GRM3: variants seen among roughly 807,000 people sequenced by gnomAD.
The protein encoded by GRM3 is metabotropic glutamate receptor 3.
In GRM3, 26 loss-of-function variants were observed where a neutral mutation model predicts 70.5. That is an observed-to-expected ratio of 0.37 (90% confidence interval 0.27 to 0.51). The LOEUF (loss-of-function observed/expected upper bound fraction) is 0.51. GRM3 is among the 20% of genes least tolerant of loss of function. GRM3 has a pLI of 0.93. For missense variants in GRM3, 859 were observed against 1,123.8 expected, an observed-to-expected ratio of 0.76 and a Z score of 3.37; for synonymous variants, 443 against 434.9, an observed-to-expected ratio of 1.02 and a Z score of -0.23.
At chr7:86,803,798 C>T (rs1797732913) in intron 3 of GRM3, among the ~76,000 whole-genome samples, 1 of 152,132 alleles carries the variant, frequency 6.6e-6, no homozygotes, top group East Asian at 1.9e-4. Context: ...TGTTTGATGG[C>T]CCACCACAAA....
At chr7:86,698,502 C>T (rs1234914348) in intron 1 of GRM3, among the ~76,000 whole-genome samples, 2 of 146,388 alleles carry the variant, frequency 1.4e-5, no homozygotes, top group Non-Finnish European at 3.0e-5. Flanking sequence ...TATAAAGAGT[C>T]CCATGTCTAA....
At chr7:86,773,742 T>C (rs1450129521) in intron 2 of GRM3, among the ~76,000 whole-genome samples, 1 of 152,146 alleles carries the variant, frequency 6.6e-6, no homozygotes, top group Non-Finnish European at 1.5e-5. Context: ...GCAACAGCAA[T>C]TAAAAATGCT....
At chr7:86,777,529 C>T (rs970433291) in intron 2 of GRM3, among the ~76,000 whole-genome samples, 5 of 152,064 alleles carry the variant, frequency 3.3e-5, no homozygotes, top group Non-Finnish European at 7.4e-5. Context: ...AGTTGTTGAC[C>T]TCTTCATATT....
At chr7:86,748,893 C>T (rs1218545012) in intron 1 of GRM3, among the ~76,000 whole-genome samples, 1 of 151,972 alleles carries the variant, frequency 6.6e-6, no homozygotes, top group Non-Finnish European at 1.5e-5. Flanking sequence ...GTTAATCCTC[C>T]GCAGTTAATA....
Position 86,864,444 on chromosome 7 carries a change from A to G in GRM3, c.*89A>G, listed in dbSNP as rs566426677. On this transcript the variant is annotated 3_prime_UTR_variant, in exon 6 of 6. Coordinates refer to ENST00000361669, the MANE Select transcript of GRM3 (RefSeq NM_000840.3). ...CCAGAATATGGAAACAGAGCAAAAG[A>G]ACAACCCTAGTACCTTTTTTTAGAA... The G allele has an allele frequency of 7.6e-5, 69 of 911,052 alleles. No individual in the cohort carries two copies. In the East Asian group the frequency reaches 1.5e-3, roughly 19 times the overall value. 56.4% of individuals were successfully genotyped at this position (911,052 alleles called of 1,614,324 possible).
At position 86,826,614 on chromosome 7, in the gene GRM3, C is replaced by G. The variant is rs376264183; in HGVS notation, c.1325-12225C>G. On this transcript the variant is annotated intron_variant, in intron 3 of 5. Transcript: ENST00000361669. ...GAAAACAAGACTAGGTAATAGTAAC[C>G]TTAATATGGTGACACCATAAGGAAT... is the stretch of plus-strand genomic sequence containing the variant. Among the ~76,000 whole-genome samples the G allele has an allele frequency of 9.2e-5, 14 of 152,158 alleles. No homozygotes were observed. In the East Asian group the frequency reaches 1.3e-3, roughly 15 times the overall value.
chr7:86,725,067 G>T (rs1486422470), intron 1 of GRM3, among the ~76,000 whole-genome samples: 2 of 152,048 alleles, frequency 1.3e-5, no homozygotes, highest in Non-Finnish European at 2.9e-5. Flanking sequence ...ATTACCAGGG[G>T]ATGTATGCAT....
At chr7:86,795,558 G>T (rs1228052488) in intron 3 of GRM3, among the ~76,000 whole-genome samples, 3 of 152,008 alleles carry the variant, frequency 2.0e-5, no homozygotes, top group African/African-American at 7.3e-5. Context: ...GTGTTAGTTT[G>T]CTGAGGACAA....
rs2116737880 is a variant in GRM3, at chr7:86,839,541, G to A, written c.2027G>A (p.Gly676Asp). The change falls in exon 4 of 6, where the codon GGC (glycine) becomes GAC (aspartate). Residue 676 changes from glycine (G) to aspartate (D), a missense_variant. Coordinates refer to ENST00000361669, the MANE Select transcript of GRM3 (RefSeq NM_000840.3). This position sits in a 1 kb window ranked among gnomAD's most constrained non-coding sequence, Gnocchi z 4.5. ...IARIFDGVKN[G>D]AQRPKFISPS... ...CGCATCTTCGATGGGGTCAAGAATG[G>A]CGCTCAGAGGCCAAAATTCATCAGC... The A allele has an allele frequency of 6.2e-7, 1 of 1,607,972 alleles. No individual in the cohort carries two copies. The highest frequency in any genetic ancestry group is 1.7e-4 in the Middle Eastern group (1 of 6,016).
intron 1 of GRM3, among the ~76,000 whole-genome samples, chr7:86,656,425 C>T (rs1199270932): frequency 4.0e-5 from 6 of 151,882 alleles, no homozygotes; most frequent in East Asian, 1.9e-4. Context: ...TGCACCGCCA[C>T]GGCTGGCTAG....
chr7:86,721,979 G>A (rs1010922522), intron 1 of GRM3, among the ~76,000 whole-genome samples: 3 of 152,058 alleles, frequency 2.0e-5, no homozygotes, highest in Admixed American at 6.6e-5. Flanking sequence ...AAGTTGAGAA[G>A]GTCAAGGCTC....
chr7:86,796,701 G>A (rs537453102), intron 3 of GRM3, among the ~76,000 whole-genome samples: 20 of 152,280 alleles, frequency 1.3e-4, no homozygotes, highest in Admixed American at 3.3e-4. Flanking sequence ...AGCATGGAAT[G>A]TTTTTTCATT....
Position 86,794,100 on chromosome 7 carries a change from G to A in GRM3, c.1324+6984G>A, listed in dbSNP as rs141134900. Among the ~76,000 whole-genome samples the A allele has an allele frequency of 3.3e-3, 499 of 152,080 alleles. 4 individuals are homozygous for A. Among genetic ancestry groups the A allele is most frequent in the African/African-American group, 0.011 (474 of 41,502 alleles). ...TTTTTTTAAATGTAACTAAAATCCT[G>A]TTTAAAAATCAGTTTACCTTATCTA... is the stretch of plus-strand genomic sequence containing the variant. On this transcript the variant is annotated intron_variant, in intron 3 of 5. Coordinates refer to ENST00000361669, the MANE Select transcript of GRM3 (RefSeq NM_000840.3).
intron 1 of GRM3, among the ~76,000 whole-genome samples, chr7:86,736,139 A>G (rs1391922388): frequency 6.6e-6 from 1 of 152,170 alleles, no homozygotes; most frequent in African/African-American, 2.4e-5. Flanking sequence ...AAATATTCAT[A>G]TGGTACCAGA....
intron 1 of GRM3, among the ~76,000 whole-genome samples, chr7:86,659,261 A>G (rs1246628882): frequency 1.3e-5 from 2 of 152,160 alleles, no homozygotes; most frequent in Non-Finnish European, 2.9e-5. Flanking sequence ...CATCCTCTAC[A>G]CCATTTTTAG....
chr7:86,764,115 G>A (rs1796544479), intron 1 of GRM3, among the ~76,000 whole-genome samples: 1 of 152,106 alleles, frequency 6.6e-6, no homozygotes, highest in Admixed American at 6.6e-5. Context: ...ACTTTGAGGT[G>A]TCTGAAGGAT....
At chr7:86,779,703 A>C (rs1050623071) in intron 2 of GRM3, among the ~76,000 whole-genome samples, 1 of 152,224 alleles carries the variant, frequency 6.6e-6, no homozygotes, top group Admixed American at 6.5e-5. Flanking sequence ...TTCTGAAGTC[A>C]GGCATTAGAA....
At chr7:86,762,449 G>A (rs1796502492) in intron 1 of GRM3, among the ~76,000 whole-genome samples, 1 of 152,082 alleles carries the variant, frequency 6.6e-6, no homozygotes, top group Non-Finnish European at 1.5e-5. Context: ...GTTTTAAAGG[G>A]CACTGCTAAT....
chr7:86,838,583 G>A (rs189677104), intron 3 of GRM3, among the ~76,000 whole-genome samples: 15 of 152,210 alleles, frequency 9.9e-5, no homozygotes, highest in African/African-American at 2.9e-4. Flanking sequence ...TACATAATAA[G>A]CATTGTATTG....
Sources: allele counts gnomAD v4.1 joint callset (sites outside exome capture counted in the v4.1 genomes callset), GRCh38; gene constraint gnomAD v4.1.1; non-coding constraint Gnocchi (gnomAD v3.1); transcripts MANE v1.5; gene names NCBI Gene and HGNC (gene_info 2026-07-23, HGNC 2026-07-21).